ETS2: variants seen among roughly 807,000 people sequenced by gnomAD.
The protein encoded by ETS2 is ETS proto-oncogene 2, transcription factor.
In ETS2, 19 loss-of-function variants were observed where a neutral mutation model predicts 54.9. The ratio of observed to expected loss-of-function variants is 0.35; its 90% CI spans 0.24 to 0.51. The LOEUF (loss-of-function observed/expected upper bound fraction) is 0.51, where lower values mean the gene tolerates loss of function less well. Ranked by LOEUF, ETS2 falls within the 20% of genes least tolerant of loss-of-function variation. The pLI, the probability that ETS2 is intolerant of heterozygous loss-of-function variation, is 0.97. For missense variants in ETS2, 417 were observed against 593.0 expected, an observed-to-expected ratio of 0.70 and a Z score of 3.08; for synonymous variants, 219 against 229.3, an observed-to-expected ratio of 0.95 and a Z score of 0.41.
chr21:38,812,964 A>G (rs2060919375), intron 2 of ETS2, 39 bp from the exon 3 acceptor site: 2 of 1,367,266 alleles, frequency 1.5e-6, no homozygotes, highest in Non-Finnish European at 2.1e-6. Context: ...AATCAGTTTA[A>G]ATATTGTATT....
chr21:38,807,876 A>G (rs957116177), intron 1 of ETS2, among the ~76,000 whole-genome samples: 6 of 152,196 alleles, frequency 3.9e-5, no homozygotes, highest in African/African-American at 1.4e-4. Context: ...GCAACACCCA[A>G]GATGTCTATG....
At chr21:38,818,281 G>A (rs2060943103) in intron 6 of ETS2, 144 bp from the exon 7 acceptor site, 1 of 1,042,932 alleles carries the variant, frequency 9.6e-7, no homozygotes, top group East Asian at 2.5e-5. Flanking sequence ...CCTGGTGACA[G>A]ACCCCCACCA....
At position 38,806,481 on chromosome 21, in the gene ETS2, A is replaced by G; in HGVS notation, c.-1+361A>G. On this transcript the variant is annotated intron_variant, in intron 1 of 9. Transcript: ENST00000360938. The surrounding 1 kb of genome is among the most constrained non-coding windows in gnomAD (Gnocchi z 4.3). ...GCAGGCCTGGTAGGGGGTCCTGCCC[A>G]GTGGATGTCCCGGCGAACATGATTT... 1 of 985,368 alleles carries G rather than the reference A, an allele frequency of 1.0e-6. No homozygotes were observed. The allele number at this position is 985,368 out of a possible 1,614,324, so 61.0% of individuals were successfully genotyped here.
At chr21:38,812,934 A>G (rs2060919203) in intron 2 of ETS2, 69 bp from the exon 3 acceptor site, 1 of 1,109,092 alleles carries the variant, frequency 9.0e-7, no homozygotes, top group African/African-American at 1.5e-5. Context: ...CCCACAGACC[A>G]CTTTTACAAC....
chr21:38,806,827 G>T lies in ETS2; in HGVS notation c.-1+707G>T, dbSNP rs760272000. On this transcript the variant is annotated intron_variant, in intron 1 of 9. Coordinates refer to ENST00000360938, the MANE Select transcript of ETS2 (RefSeq NM_005239.6). This position sits in a 1 kb window ranked among gnomAD's most constrained non-coding sequence, Gnocchi z 4.3. ...TGAAGAGGTAACTGAGTGTTTGCTT[G>T]TGTGTGTTTGGGTTGCGTGTGTGTT... 2.0e-5 allele frequency: 20 copies of T among 985,368 alleles called. No individual in the cohort carries two copies. Among genetic ancestry groups the T allele is most frequent in the Non-Finnish European group, 2.4e-5 (20 of 829,964 alleles). The allele number at this position is 985,368 out of a possible 1,614,324, so 61.0% of individuals were successfully genotyped here.
chr21:38,820,895 C>T (rs1308411808), intron 8 of ETS2, among the ~76,000 whole-genome samples: 1 of 152,220 alleles, frequency 6.6e-6, no homozygotes, highest in East Asian at 1.9e-4. Context: ...CACCTGGCCT[C>T]TGAGCCGCAT....
At chr21:38,811,816 T>C (rs889456811) in intron 2 of ETS2, among the ~76,000 whole-genome samples, 11 of 152,112 alleles carry the variant, frequency 7.2e-5, no homozygotes, top group African/African-American at 2.7e-4. Flanking sequence ...CCTTAGTAGG[T>C]GATTTGGGTT....
chr21:38,807,676 T>C (rs1362187052), intron 1 of ETS2, among the ~76,000 whole-genome samples: 1 of 152,240 alleles, frequency 6.6e-6, no homozygotes, highest in Non-Finnish European at 1.5e-5. Flanking sequence ...TACAGCTCTT[T>C]ATGTGGGAGT....
At position 38,822,924 on chromosome 21, in the gene ETS2, C is replaced by T. The variant is rs766332190; in HGVS notation, c.*35C>T. ...GACCACCCTGAGCCGGCCCCAGGCT[C>T]GTGGACTGAGTGGGAAGCCCATCCT... On this transcript the variant is annotated 3_prime_UTR_variant, in exon 10 of 10. Coordinates refer to ENST00000360938, the MANE Select transcript of ETS2 (RefSeq NM_005239.6). 2.5e-5 allele frequency: 37 copies of T among 1,485,044 alleles called. No homozygotes were observed. Among genetic ancestry groups the T allele is most frequent in the Non-Finnish European group, 3.2e-5 (36 of 1,110,552 alleles). 92.0% of individuals were successfully genotyped at this position (1,485,044 alleles called of 1,614,324 possible). A position where few individuals can be genotyped will look rare whatever the true frequency, so the allele number is the denominator to read the frequency against.
chr21:38,805,366 A>T, upstream of ETS2: 1 of 1,288,890 alleles, frequency 7.8e-7, no homozygotes, highest in Non-Finnish European at 1.0e-6. The surrounding 1 kb of genome is among the most constrained non-coding windows in gnomAD (Gnocchi z 5.2). Flanking sequence ...GCTCAATTTC[A>T]GGGCCTTATT....
Position 38,821,141 on chromosome 21 carries a change from C to T in ETS2, c.1076-445C>T, listed in dbSNP as rs1006112064. On this transcript the variant is annotated intron_variant, in intron 8 of 9. Coordinates refer to ENST00000360938, the MANE Select transcript of ETS2 (RefSeq NM_005239.6). This position sits in a 1 kb window ranked among gnomAD's most constrained non-coding sequence, Gnocchi z 4.2. ...GTGGCATGGGATCCCACGTATGACA[C>T]GCCTCATTCTGTGATGAAACACCCC... 2.6e-5 allele frequency among the ~76,000 whole-genome samples: 4 copies of T among 152,158 alleles called. No homozygotes were observed. Among genetic ancestry groups the T allele is most frequent in the East Asian group, 3.9e-4 (2 of 5,190 alleles).
Position 38,806,138 on chromosome 21 carries a change from A to G in ETS2, c.-1+18A>G, listed in dbSNP as rs142089113. ...GCGGCAGGGTAAGAGCTGGGCCCGC[A>G]GAGAGCGCCCGGCGCGCGGCTCCAG... On this transcript the variant is annotated intron_variant, in intron 1 of 9. Transcript: ENST00000360938. The surrounding 1 kb of genome is among the most constrained non-coding windows in gnomAD (Gnocchi z 4.3). 134,255 of 1,014,384 alleles carry G rather than the reference A, an allele frequency of 0.13. 11,335 individuals are homozygous for G. Among genetic ancestry groups the G allele is most frequent in the African/African-American group, 0.39 (22,273 of 57,124 alleles). 62.8% of individuals were successfully genotyped at this position (1,014,384 alleles called of 1,614,324 possible).
At chr21:38,808,320 G>T (rs1601424194) in intron 1 of ETS2, among the ~76,000 whole-genome samples, 1 of 152,168 alleles carries the variant, frequency 6.6e-6, no homozygotes, top group Admixed American at 6.5e-5. Context: ...AGGCATTCTG[G>T]CAATGGCAGC....
chr21:38,806,653 G>A lies in ETS2; in HGVS notation c.-1+533G>A. ...GCTGCGGCACCGCGGGAACCTGCGG[G>A]GCGCGGGGTGCCATGGTCACCTGCT... On this transcript the variant is annotated intron_variant, in intron 1 of 9. Transcript: ENST00000360938. The surrounding 1 kb of genome is among the most constrained non-coding windows in gnomAD (Gnocchi z 4.3). 4 of 985,420 alleles carry A rather than the reference G, an allele frequency of 4.1e-6. No individual in the cohort carries two copies. The highest frequency in any genetic ancestry group is 1.2e-6 in the Non-Finnish European group (1 of 829,956). 61.0% of individuals were successfully genotyped at this position (985,420 alleles called of 1,614,324 possible).
At position 38,806,173 on chromosome 21, in the gene ETS2, G is replaced by A; in HGVS notation, c.-1+53G>A. The A allele has an allele frequency of 6.0e-6, 6 of 998,334 alleles. No homozygotes were observed. Among genetic ancestry groups the A allele is most frequent in the Non-Finnish European group, 7.2e-6 (6 of 838,848 alleles). The allele number at this position is 998,334 out of a possible 1,614,324, so 61.8% of individuals were successfully genotyped here. A position where few individuals can be genotyped will look rare whatever the true frequency, so the allele number is the denominator to read the frequency against. ...CGGCGCGCGGCTCCAGTCCCATGGA[G>A]GGTCACCCGGGGCCTGGGCGGGGGT... is the stretch of plus-strand genomic sequence containing the variant. On this transcript the variant is annotated intron_variant, in intron 1 of 9. Transcript: ENST00000360938. This position sits in a 1 kb window ranked among gnomAD's most constrained non-coding sequence, Gnocchi z 4.3.
At chr21:38,813,380 G>A (rs1329668428) in intron 3 of ETS2, among the ~76,000 whole-genome samples, 1 of 152,140 alleles carries the variant, frequency 6.6e-6, no homozygotes, top group Non-Finnish European at 1.5e-5. Context: ...GCCCCTCCTG[G>A]ATGTTTTCAA....
In ETS2 at chr21:38,823,869, T is replaced by C. The variant is rs2060968315; in HGVS notation, c.*980T>C. 6.6e-6 allele frequency: 1 copy of C among 152,606 alleles called. No homozygotes were observed. Among genetic ancestry groups the C allele is most frequent in the Non-Finnish European group, 1.5e-5 (1 of 68,036 alleles). The allele number at this position is 152,606 out of a possible 1,614,324, so 9.5% of individuals were successfully genotyped here. A position where few individuals can be genotyped will look rare whatever the true frequency, so the allele number is the denominator to read the frequency against. ...TATACACAAAATGGATTTTATTTTT[T>C]AGTTTAACTGTGTTTCTCCGACAGC... On this transcript the variant is annotated 3_prime_UTR_variant, in exon 10 of 10. Transcript: ENST00000360938.
chr21:38,815,300 A>G (rs993452993), intron 5 of ETS2, among the ~76,000 whole-genome samples: 1 of 152,062 alleles, frequency 6.6e-6, no homozygotes, highest in Non-Finnish European at 1.5e-5. Flanking sequence ...TGACTCAGAT[A>G]TGTAGGACAG....
intron 2 of ETS2, 133 bp downstream of exon 2, chr21:38,810,239 A>T (rs549939083): frequency 1.8e-6 from 1 of 555,742 alleles, no homozygotes; most frequent in East Asian, 3.4e-5. Context: ...GTGACTATAG[A>T]CTATTTGCTT....
Sources: allele counts gnomAD v4.1 joint callset (sites outside exome capture counted in the v4.1 genomes callset), GRCh38; gene constraint gnomAD v4.1.1; non-coding constraint Gnocchi (gnomAD v3.1); transcripts MANE v1.5; gene names NCBI Gene and HGNC (gene_info 2026-07-23, HGNC 2026-07-21).